Variants in ARHGAP15 observed in about 807,000 individuals in gnomAD.
ARHGAP15 encodes rho GTPase-activating protein 15.
In ARHGAP15, 51 loss-of-function variants were observed where a neutral mutation model predicts 63.7. The observed-to-expected ratio is 0.80, with a 90% CI of 0.64 to 1.01. ARHGAP15 has a LOEUF of 1.01. Ranked by LOEUF, ARHGAP15 falls within the 50% of genes least tolerant of loss-of-function variation. The pLI, the probability that ARHGAP15 is intolerant of heterozygous loss-of-function variation, is 0.00. For missense variants in ARHGAP15, 560 were observed against 564.6 expected, an observed-to-expected ratio of 0.99 and a Z score of 0.08; for synonymous variants, 191 against 193.8, an observed-to-expected ratio of 0.99 and a Z score of 0.12.
intron 6 of ARHGAP15, among the ~76,000 whole-genome samples, chr2:143,422,903 C>G (rs895357049): frequency 6.6e-6 from 1 of 152,102 alleles, no homozygotes; most frequent in Non-Finnish European, 1.5e-5. Flanking sequence ...CAGAAATGAG[C>G]TTTGGCAAAG....
chr2:143,376,912 G>A (rs1356094397), intron 6 of ARHGAP15, among the ~76,000 whole-genome samples: 3 of 151,914 alleles, frequency 2.0e-5, no homozygotes, highest in African/African-American at 7.3e-5. Context: ...CACATATACT[G>A]TGTTTTGTAT....
chr2:143,239,990 CAAAAAAAAAAAAAAAA>C (rs60960176), intron 5 of ARHGAP15, among the ~76,000 whole-genome samples: 3 of 26,468 alleles, frequency 1.1e-4, no homozygotes, highest in African/African-American at 2.5e-4. Context: ...GACTCTGTCT[CAAAAAAAAAAAAAAAA>C]AAAAAAAAAA....
chr2:143,343,016 A>G (rs1685128983), intron 6 of ARHGAP15, among the ~76,000 whole-genome samples: 2 of 152,040 alleles, frequency 1.3e-5, no homozygotes, highest in Admixed American at 1.3e-4. Context: ...TGAGATTAGA[A>G]AATTTTATCT....
chr2:143,462,508 A>T (rs942448784), intron 8 of ARHGAP15, among the ~76,000 whole-genome samples: 2 of 152,244 alleles, frequency 1.3e-5, no homozygotes, highest in Admixed American at 1.3e-4. Context: ...AATCTCATAC[A>T]TCTATTCATT....
chr2:143,156,185 G>A (rs1416846950), intron 2 of ARHGAP15, among the ~76,000 whole-genome samples: 1 of 151,874 alleles, frequency 6.6e-6, no homozygotes, highest in Non-Finnish European at 1.5e-5. Flanking sequence ...AAGCCATTTT[G>A]TCTCGATAAT....
intron 1 of ARHGAP15, among the ~76,000 whole-genome samples, chr2:143,140,873 G>A (rs1488034989): frequency 6.6e-6 from 1 of 152,170 alleles, no homozygotes; most frequent in Non-Finnish European, 1.5e-5. Context: ...ACCAGCTATG[G>A]TGCTGTCCAC....
chr2:143,185,997 A>G (rs1276241543), intron 2 of ARHGAP15, among the ~76,000 whole-genome samples: 1 of 152,154 alleles, frequency 6.6e-6, no homozygotes, highest in Non-Finnish European at 1.5e-5. Context: ...ATACTTAATA[A>G]ATAGTCATTA....
At chr2:143,148,555 T>G (rs1689684294) in intron 1 of ARHGAP15, among the ~76,000 whole-genome samples, 1 of 151,878 alleles carries the variant, frequency 6.6e-6, no homozygotes, top group Non-Finnish European at 1.5e-5. Context: ...TGTGCAGTGA[T>G]AATAACTGTA....
intron 11 of ARHGAP15, among the ~76,000 whole-genome samples, chr2:143,616,015 AT>A (rs956013591): frequency 5.3e-4 from 81 of 151,714 alleles, no homozygotes; most frequent in Middle Eastern, 3.4e-3. Flanking sequence ...AAATACATCA[AT>A]TTTTTTTTAT....
chr2:143,200,855 G>A (rs1309783504), intron 2 of ARHGAP15, among the ~76,000 whole-genome samples: 3 of 151,960 alleles, frequency 2.0e-5, no homozygotes, highest in African/African-American at 7.3e-5. Context: ...TGTTGATCCT[G>A]TAAAAGCTGA....
At chr2:143,617,971 C>T (rs1399044453) in intron 11 of ARHGAP15, among the ~76,000 whole-genome samples, 2 of 152,178 alleles carry the variant, frequency 1.3e-5, no homozygotes. Flanking sequence ...AATTAACTGG[C>T]CAACTGGTTT....
chr2:143,534,083 A>T (rs555687985), intron 10 of ARHGAP15, among the ~76,000 whole-genome samples: 1 of 152,214 alleles, frequency 6.6e-6, no homozygotes, highest in South Asian at 2.1e-4. Context: ...TAATCTCCAT[A>T]ATCCCCACAT....
chr2:143,149,121 A>T (rs1689712549), intron 1 of ARHGAP15, among the ~76,000 whole-genome samples: 1 of 152,048 alleles, frequency 6.6e-6, no homozygotes, highest in African/African-American at 2.4e-5. Context: ...AATACTATTT[A>T]TCTGTGGAGT....
intron 6 of ARHGAP15, among the ~76,000 whole-genome samples, chr2:143,381,073 A>G (rs1687035026): frequency 6.6e-6 from 1 of 152,154 alleles, no homozygotes; most frequent in Non-Finnish European, 1.5e-5. Context: ...TATTGTTTAG[A>G]GTCATTTGCA....
chr2:143,197,666 T>A (rs1223402759), intron 2 of ARHGAP15, among the ~76,000 whole-genome samples: 1 of 152,056 alleles, frequency 6.6e-6, no homozygotes, highest in Non-Finnish European at 1.5e-5. Context: ...CTTTGTCTAA[T>A]GCTTTACTGA....
chr2:143,240,520 C>T (rs188441181), intron 5 of ARHGAP15, among the ~76,000 whole-genome samples: 96 of 152,200 alleles, frequency 6.3e-4, no homozygotes, highest in African/African-American at 2.3e-3. Flanking sequence ...AATGGAGGGG[C>T]AAACAAAAGA....
At chr2:143,519,387 G>GT in intron 10 of ARHGAP15, 23 bp downstream of exon 10, 1 of 1,582,502 alleles carries the variant, frequency 6.3e-7, no homozygotes, top group Non-Finnish European at 8.7e-7. Flanking sequence ...ATGTGCAGCA[G>GT]TTCCCCCCAT....
chr2:143,406,287 C>T (rs935540907), intron 6 of ARHGAP15, among the ~76,000 whole-genome samples: 1 of 151,600 alleles, frequency 6.6e-6, no homozygotes, highest in Admixed American at 6.6e-5. Context: ...TCTTTTTTAC[C>T]AAAATATTCT....
At chr2:143,226,574 G>A (rs969556179) in intron 4 of ARHGAP15, among the ~76,000 whole-genome samples, 1 of 152,190 alleles carries the variant, frequency 6.6e-6, no homozygotes, top group African/African-American at 2.4e-5. Context: ...GAAGGCTATT[G>A]CTGCTTCAAT....
Sources: gnomAD v4.1 joint callset for allele counts (sites outside exome capture counted in the v4.1 genomes callset) on GRCh38, gnomAD v4.1.1 for gene constraint, MANE v1.5 for transcripts, NCBI Gene and HGNC (gene_info 2026-07-23, HGNC 2026-07-21) for gene names.